LRRC74B: variants seen among roughly 807,000 people sequenced by gnomAD.
The protein encoded by LRRC74B is leucine rich repeat containing 74B, also known as leucine-rich repeat-containing protein 74B.
Under a neutral mutation model 16.6 loss-of-function variants are expected in LRRC74B, and 30 were observed. That is an observed-to-expected ratio of 1.80 (90% CI 1.35 to 2.45). The LOEUF (loss-of-function observed/expected upper bound fraction) is 2.45, where lower values mean the gene tolerates loss of function less well. Ranked by LOEUF, LRRC74B falls within the 30% of genes most tolerant of loss-of-function variation. The pLI is 0.00. For synonymous variants in LRRC74B, 134 were observed against 86.0 expected (o/e 1.56, Z -3.09); for missense variants, 326 against 202.4 (o/e 1.61, Z -3.71).
At chr22:21,058,813 C>G (rs1178548776) in intron 8 of LRRC74B, among the ~76,000 whole-genome samples, 4 of 152,196 alleles carry the variant, frequency 2.6e-5, no homozygotes, top group Admixed American at 1.3e-4. Flanking sequence ...TTACTTGTCA[C>G]AATGTATGGT....
rs938625409 is a variant in LRRC74B at position 21,049,165 on chromosome 22, C to T, written c.622+8C>T. 19 of 713,300 alleles carry T rather than the reference C, an allele frequency of 2.7e-5. No individual in the cohort carries two copies. Among genetic ancestry groups the T allele is most frequent in the Non-Finnish European group, 4.2e-5 (16 of 382,424 alleles). The allele number at this position is 713,300 out of a possible 1,614,324, so 44.2% of individuals were successfully genotyped here. ...AGCTGAATGACCAAGCAGGTAACGC[C>T]TGCGCAGGGCACCATGGCCATGAAA... On this transcript the variant is annotated splice_region_variant and intron_variant, in intron 4 of 8. Coordinates refer to ENST00000442047, the Ensembl canonical transcript of LRRC74B.
chr22:21,048,581 A>G (rs1246480112), intron 3 of LRRC74B: 5 of 318,934 alleles, frequency 1.6e-5, no homozygotes, highest in Non-Finnish European at 3.0e-5. Context: ...TACGTGCTCC[A>G]TGCATGGCCA....
chr22:21,050,516 C>T lies in LRRC74B; in HGVS notation c.622+1359C>T, dbSNP rs578224127. Among the ~76,000 whole-genome samples, 16 of 151,880 alleles carry T rather than the reference C, an allele frequency of 1.1e-4. No individual in the cohort carries two copies. In the East Asian group the frequency reaches 3.2e-3, roughly 30 times the overall value. On this transcript the variant is annotated intron_variant, in intron 4 of 8. Coordinates refer to ENST00000442047, the Ensembl canonical transcript of LRRC74B. Reference sequence around the variant, plus strand: ...TGAGGTGGCCGGGCCCGGTGGCTCACGCCTGTAATCCCAGCACTTTGGGAG... The same window carrying T: ...TGAGGTGGCCGGGCCCGGTGGCTCATGCCTGTAATCCCAGCACTTTGGGAG...
At chr22:21,053,089 G>A (rs9625428) in intron 5 of LRRC74B, among the ~76,000 whole-genome samples, 137 of 152,252 alleles carry the variant, frequency 9.0e-4, no homozygotes, top group African/African-American at 3.0e-3. Flanking sequence ...CTCTGCACAC[G>A]CCCCTCCCAG....
chr22:21,062,249 G>A (rs868683247), downstream of LRRC74B: 2 of 152,148 alleles, frequency 1.3e-5, no homozygotes, highest in African/African-American at 2.4e-5. Flanking sequence ...GGATTTCTTT[G>A]GGGGGTGATA....
Position 21,054,613 on chromosome 22 carries a change from G to A in LRRC74B, c.849-485G>A, listed in dbSNP as rs147193579. 9.8e-5 allele frequency among the ~76,000 whole-genome samples: 15 copies of A among 152,342 alleles called. No homozygotes were observed. In the East Asian group the frequency reaches 2.3e-3, roughly 24 times the overall value. On this transcript the variant is annotated intron_variant, in intron 6 of 8. Coordinates refer to ENST00000442047, the Ensembl canonical transcript of LRRC74B. ...GGAGGAGCTAAGACTGGAGGCAGCC[G>A]CGGAGGCTGAATACGGAGGTGCAGC...
exon 1 of LRRC74B, chr22:21,046,104 G>A (rs1929399212): frequency 2.8e-6 from 2 of 717,272 alleles, no homozygotes; most frequent in South Asian, 3.0e-5. Flanking sequence ...GGCCAATTGG[G>A]ACTCCGACCT....
At chr22:21,045,982 T>C (rs376596974), upstream of LRRC74B, 41 of 717,378 alleles carry the variant, frequency 5.7e-5, no homozygotes, top group African/African-American at 6.4e-4. Flanking sequence ...GAGAGGGTCG[T>C]AACCATGAGG....
chr22:21,048,109 G>A, intron 3 of LRRC74B, 93 bp downstream of exon 3: 1 of 699,102 alleles, frequency 1.4e-6, no homozygotes, highest in Non-Finnish European at 2.6e-6. Context: ...TGTCACCTGG[G>A]GCCTGCTGGT....
chr22:21,051,686 A>G (rs944556265), intron 4 of LRRC74B, among the ~76,000 whole-genome samples: 2 of 152,074 alleles, frequency 1.3e-5, no homozygotes, highest in Non-Finnish European at 1.5e-5. Context: ...TGCCACTTGT[A>G]TGTGCTGCCT....
intron 2 of LRRC74B, 128 bp downstream of exon 2, chr22:21,047,626 T>G: frequency 1.6e-6 from 1 of 628,806 alleles, no homozygotes; most frequent in South Asian, 1.9e-5. Context: ...TGCCCTACCC[T>G]CCACATCTGG....
At chr22:21,051,150 T>A (rs1234120813) in intron 4 of LRRC74B, among the ~76,000 whole-genome samples, 2 of 152,140 alleles carry the variant, frequency 1.3e-5, no homozygotes, top group Non-Finnish European at 2.9e-5. Flanking sequence ...AGACCGTGTC[T>A]TAACAACAAC....
downstream of LRRC74B, chr22:21,061,653 A>G (rs562337576): frequency 6.6e-6 from 1 of 152,370 alleles, no homozygotes; most frequent in East Asian, 1.9e-4. Context: ...AGTCAATCAC[A>G]TGGCTTGTCT....
chr22:21,046,382 C>A (rs1212303378), intron 1 of LRRC74B, among the ~76,000 whole-genome samples: 1 of 136,210 alleles, frequency 7.3e-6, no homozygotes, highest in Non-Finnish European at 1.7e-5. Context: ...AAAAACTAAG[C>A]TAATGGATGT....
At chr22:21,046,269 C>T in intron 1 of LRRC74B, 144 bp downstream of exon 1, 2 of 607,072 alleles carry the variant, frequency 3.3e-6, no homozygotes, top group Non-Finnish European at 5.9e-6. Context: ...CCCTTCATTG[C>T]TCCTGGAAGC....
At chr22:21,060,585 G>A (rs192457910), downstream of LRRC74B, 1 of 663,790 alleles carries the variant, frequency 1.5e-6, no homozygotes, top group African/African-American at 1.8e-5. Flanking sequence ...AGGGTGAGGA[G>A]CTCTTTGACT....
chr22:21,048,328 A>G (rs1929665633), intron 3 of LRRC74B: 4 of 364,912 alleles, frequency 1.1e-5, no homozygotes, highest in South Asian at 3.0e-5. Context: ...GAGTCCTTCC[A>G]CACAGAGAGG....
intron 7 of LRRC74B, among the ~76,000 whole-genome samples, chr22:21,056,072 T>A (rs1005040709): frequency 2.6e-5 from 4 of 152,150 alleles, no homozygotes; most frequent in African/African-American, 7.2e-5. Context: ...TGACTTCCTC[T>A]CTTAGCTTCT....
chr22:21,055,145 T>C (rs1930402651), exon 7 of LRRC74B: 2 of 717,192 alleles, frequency 2.8e-6, no homozygotes, highest in Non-Finnish European at 2.6e-6. Flanking sequence ...GGCCTGGGCC[T>C]CCGGGTCAAC....
Sources: allele counts gnomAD v4.1 joint callset (sites outside exome capture counted in the v4.1 genomes callset), GRCh38; gene constraint gnomAD v4.1.1; transcripts MANE v1.5; gene names NCBI Gene and HGNC (gene_info 2026-07-23, HGNC 2026-07-21).